PRKD1: variants seen among roughly 807,000 people sequenced by gnomAD.
The protein encoded by PRKD1 is serine/threonine-protein kinase D1.
Under a neutral mutation model 95.9 loss-of-function variants are expected in PRKD1, and 63 were observed. The ratio of observed to expected loss-of-function variants is 0.66; its 90% CI spans 0.54 to 0.81. The LOEUF (loss-of-function observed/expected upper bound fraction) is 0.81. Ranked by LOEUF, PRKD1 falls within the 30% of genes least tolerant of loss-of-function variation. The probability of loss-of-function intolerance (pLI) is 0.00; values close to 1 mark genes in which losing one functional copy is unlikely to be tolerated. For synonymous variants in PRKD1, 425 were observed against 423.1 expected (o/e 1.00, Z -0.05); for missense variants, 1,048 against 1,165.3 (o/e 0.90, Z 1.47).
intron 1 of PRKD1, among the ~76,000 whole-genome samples, chr14:29,741,980 T>C (rs539034182): frequency 6.6e-6 from 1 of 152,262 alleles, no homozygotes; most frequent in South Asian, 2.1e-4. Context: ...GGAATTCCAT[T>C]GTTCTGACTG....
rs572922167 is a variant in PRKD1 at position 29,587,138 on chromosome 14, T to C, written c.2435-8778A>G. ...AGTCTTTATTTGGAAAGGGATTGGG[T>C]TTGTTCTATCAGTGTGTATAAATAC... On this transcript the variant is annotated intron_variant, in intron 16 of 17. Transcript: ENST00000331968. 1.2e-3 allele frequency among the ~76,000 whole-genome samples: 184 copies of C among 152,274 alleles called. 1 individual carries two copies. The highest frequency in any genetic ancestry group is 4.2e-3 in the African/African-American group (176 of 41,568).
chr14:29,663,700 A>G lies in PRKD1; in HGVS notation c.695T>C (p.Leu232Pro), dbSNP rs773478450. ...LSTSAPDEPLLQKSPSESFIG... is the reference protein window; with the variant it reads ...LSTSAPDEPLPQKSPSESFIG... ...AAGTGGGTAAACAGGAAGCCATACCAGAAGGGGCTCATCAGGGGCACTTGT... is the reference window on the plus strand; with the variant it reads ...AAGTGGGTAAACAGGAAGCCATACCGGAAGGGGCTCATCAGGGGCACTTGT... Residue 232 changes from leucine (L) to proline (P), a missense_variant and splice_region_variant, in exon 4 of 18, where the codon CTG becomes CCG. By Grantham distance (98) the Leu-to-Pro change is moderately conservative (BLOSUM62 -3). Transcript: ENST00000331968. 1 of 1,613,674 alleles carries G rather than the reference A, an allele frequency of 6.2e-7. No homozygotes were observed. Among genetic ancestry groups the G allele is most frequent in the Non-Finnish European group, 8.5e-7 (1 of 1,179,706 alleles).
chr14:29,698,751 G>A (rs1335018915), intron 2 of PRKD1, among the ~76,000 whole-genome samples: 12 of 151,842 alleles, frequency 7.9e-5, no homozygotes, highest in African/African-American at 2.2e-4. Flanking sequence ...TGACTTAATC[G>A]TGGTCTCTTT....
chr14:29,641,178 C>T (rs2139144897), intron 4 of PRKD1, among the ~76,000 whole-genome samples: 1 of 152,266 alleles, frequency 6.6e-6, no homozygotes, highest in South Asian at 2.1e-4. Flanking sequence ...TTTACACAGC[C>T]AGCCACATGT....
At chr14:29,776,264 C>T (rs1266482363) in intron 1 of PRKD1, among the ~76,000 whole-genome samples, 1 of 152,216 alleles carries the variant, frequency 6.6e-6, no homozygotes, top group African/African-American at 2.4e-5. Context: ...GAATGCAGCT[C>T]CTCACCAGCA....
intron 1 of PRKD1, among the ~76,000 whole-genome samples, chr14:29,887,765 T>C (rs1893777094): frequency 1.3e-5 from 2 of 152,232 alleles, no homozygotes; most frequent in Non-Finnish European, 2.9e-5. Flanking sequence ...TAGTATTCAG[T>C]GCAGTAATGT....
intron 1 of PRKD1, among the ~76,000 whole-genome samples, chr14:29,912,616 T>C (rs560462890): frequency 6.6e-6 from 1 of 152,382 alleles, no homozygotes; most frequent in African/African-American, 2.4e-5. Flanking sequence ...ATTCCTATTT[T>C]GGGACAACCC....
At chr14:29,775,816 G>C (rs2139151864) in intron 1 of PRKD1, among the ~76,000 whole-genome samples, 2 of 152,278 alleles carry the variant, frequency 1.3e-5, no homozygotes, top group South Asian at 4.1e-4. Context: ...CCAGCATGGA[G>C]TTTGAGATCT....
chr14:29,698,267 A>C (rs1884639478), intron 2 of PRKD1, among the ~76,000 whole-genome samples: 1 of 152,206 alleles, frequency 6.6e-6, no homozygotes, highest in Admixed American at 6.5e-5. Context: ...AAAATTAAGC[A>C]AACTATGGAT....
intron 1 of PRKD1, among the ~76,000 whole-genome samples, chr14:29,861,643 T>C (rs1237394070): frequency 6.6e-6 from 1 of 152,084 alleles, no homozygotes; most frequent in East Asian, 1.9e-4. Flanking sequence ...GGGTTTGGTT[T>C]GGTTTTGTTT....
chr14:29,846,176 C>A (rs1187583844), intron 1 of PRKD1, among the ~76,000 whole-genome samples: 1 of 151,824 alleles, frequency 6.6e-6, no homozygotes, highest in African/African-American at 2.4e-5. Context: ...TCTTCTAGGC[C>A]CTGAGGATAC....
Position 29,752,645 on chromosome 14 carries a change from T to G in PRKD1, c.265-26971A>C, listed in dbSNP as rs145450834. 2.6e-5 allele frequency among the ~76,000 whole-genome samples: 4 copies of G among 151,966 alleles called. No individual in the cohort carries two copies. In the South Asian group the frequency reaches 8.3e-4, roughly 32 times the overall value. ...ATAGGAATCAGATAACACTTTCTTATGCAAAATTCATTTTTAAGAACCCAT... is the reference window on the plus strand; with the variant it reads ...ATAGGAATCAGATAACACTTTCTTAGGCAAAATTCATTTTTAAGAACCCAT... On this transcript the variant is annotated intron_variant, in intron 1 of 17. Coordinates refer to ENST00000331968, the MANE Select transcript of PRKD1 (RefSeq NM_002742.3).
At chr14:29,808,948 G>A (rs1320070678) in intron 1 of PRKD1, among the ~76,000 whole-genome samples, 1 of 152,122 alleles carries the variant, frequency 6.6e-6, no homozygotes, top group Non-Finnish European at 1.5e-5. Flanking sequence ...TATATCAATG[G>A]CAGCTGTAGC....
intron 1 of PRKD1, among the ~76,000 whole-genome samples, chr14:29,883,423 G>A (rs975521661): frequency 6.6e-6 from 1 of 152,002 alleles, no homozygotes; most frequent in Non-Finnish European, 1.5e-5. Flanking sequence ...GAAAAGAGAA[G>A]TATTTTACCA....
In PRKD1 at chr14:29,630,819, C is replaced by T; in HGVS notation, c.1595G>A (p.Trp532Ter). 6.2e-7 allele frequency: 1 copy of T among 1,614,106 alleles called. No individual in the cohort carries two copies. Among genetic ancestry groups the T allele is most frequent in the Non-Finnish European group, 8.5e-7 (1 of 1,179,982 alleles). The change falls in exon 10 of 18, where the codon TGG (tryptophan) becomes TAG (stop). Residue 532 changes from tryptophan (W) to a stop codon, truncating the protein, a stop_gained. Transcript: ENST00000331968. LOFTEE classifies it high-confidence loss of function. Reference sequence around the variant, plus strand: ...AAGGGCATGCTGGATGGCTATCTCCCACATCCTGGCCACATCTGCACCAAC... The same window carrying T: ...AAGGGCATGCTGGATGGCTATCTCCTACATCCTGGCCACATCTGCACCAAC... ...SGVGADVARM[W>*]EIAIQHALMP...
chr14:29,712,280 C>T (rs1396435984), intron 2 of PRKD1, among the ~76,000 whole-genome samples: 1 of 152,122 alleles, frequency 6.6e-6, no homozygotes, highest in East Asian at 1.9e-4. Flanking sequence ...AAATAGGGGA[C>T]TAACTAACTG....
chr14:29,751,461 T>C (rs1289232056), intron 1 of PRKD1, among the ~76,000 whole-genome samples: 2 of 152,160 alleles, frequency 1.3e-5, no homozygotes. Context: ...TATAAGGACA[T>C]GATGTCTAGA....
intron 2 of PRKD1, among the ~76,000 whole-genome samples, chr14:29,684,149 T>G (rs1201021545): frequency 5.3e-5 from 8 of 151,792 alleles, no homozygotes; most frequent in Admixed American, 5.2e-4. Context: ...AATGGTTTTT[T>G]TTTTTTTTTT....
chr14:29,626,660 A>G, intron 11 of PRKD1, 104 bp from the exon 12 acceptor site: 1 of 521,734 alleles, frequency 1.9e-6, no homozygotes, highest in Non-Finnish European at 2.9e-6. Flanking sequence ...AAGTATTTTA[A>G]AAATAAATTA....
Sources: allele counts gnomAD v4.1 joint callset (sites outside exome capture counted in the v4.1 genomes callset), GRCh38; gene constraint gnomAD v4.1.1; transcripts MANE v1.5; gene names NCBI Gene and HGNC (gene_info 2026-07-23, HGNC 2026-07-21).